KHDRBS2: variants seen among roughly 807,000 people sequenced by gnomAD.
KHDRBS2 encodes KH RNA binding domain containing, signal transduction associated 2.
Under a neutral mutation model 44.3 loss-of-function variants are expected in KHDRBS2, and 26 were observed. The ratio of observed to expected loss-of-function variants is 0.59; its 90% CI spans 0.43 to 0.81. The LOEUF (loss-of-function observed/expected upper bound fraction) is 0.81. Among genes scored for constraint, KHDRBS2 ranks in the 40% least tolerant of loss-of-function variants. The pLI, the probability that KHDRBS2 is intolerant of heterozygous loss-of-function variation, is 0.00. For missense variants in KHDRBS2, 476 were observed against 433.1 expected, an observed-to-expected ratio of 1.10 and a Z score of -0.88; for synonymous variants, 194 against 151.1, an observed-to-expected ratio of 1.28 and a Z score of -2.08.
intron 4 of KHDRBS2, among the ~76,000 whole-genome samples, chr6:61,915,631 T>G (rs1032203052): frequency 6.6e-6 from 1 of 152,060 alleles, no homozygotes; most frequent in Non-Finnish European, 1.5e-5. Context: ...CCATCTCATT[T>G]TATGCACTTC....
At chr6:62,028,109 T>C (rs1376469293) in intron 3 of KHDRBS2, among the ~76,000 whole-genome samples, 1 of 151,994 alleles carries the variant, frequency 6.6e-6, no homozygotes, top group Non-Finnish European at 1.5e-5. Flanking sequence ...GCAGTTAGTA[T>C]CAGAATTGAG....
chr6:61,690,308 A>T (rs1767255928), intron 8 of KHDRBS2, among the ~76,000 whole-genome samples: 1 of 151,982 alleles, frequency 6.6e-6, no homozygotes, highest in Non-Finnish European at 1.5e-5. Flanking sequence ...TATTCTAAAT[A>T]TAAATCTATA....
Position 61,848,572 on chromosome 6 carries a change from T to TAC in KHDRBS2, c.810+46062_810+46063insGT, listed in dbSNP as rs1181355196. ...ATATACATATATATATGTATATATA[T>TAC]ATACATATATATATATATATACTTT... On this transcript the variant is annotated intron_variant, in intron 6 of 8. Coordinates refer to ENST00000281156, the MANE Select transcript of KHDRBS2 (RefSeq NM_152688.4). Among the ~76,000 whole-genome samples the TAC allele has an allele frequency of 6.5e-4, 46 of 70,986 alleles. 4 individuals are homozygous for TAC. In the South Asian group the frequency reaches 0.014, roughly 21 times the overall value. 46.6% of individuals were successfully genotyped at this position (70,986 alleles called of 152,430 possible).
intron 6 of KHDRBS2, among the ~76,000 whole-genome samples, chr6:61,775,826 G>C (rs1781887445): frequency 6.6e-6 from 1 of 151,730 alleles, no homozygotes; most frequent in African/African-American, 2.4e-5. Context: ...ATGAGCCCGT[G>C]GTGCCAAGTC....
chr6:62,038,163 C>G (rs1316914755), intron 3 of KHDRBS2, among the ~76,000 whole-genome samples: 1 of 151,916 alleles, frequency 6.6e-6, no homozygotes, highest in Non-Finnish European at 1.5e-5. Flanking sequence ...GTGGTCCAAT[C>G]GTTGTGTTTA....
intron 4 of KHDRBS2, among the ~76,000 whole-genome samples, chr6:61,918,561 C>G (rs1252821930): frequency 6.6e-6 from 1 of 151,864 alleles, no homozygotes; most frequent in South Asian, 2.1e-4. Flanking sequence ...TGGCCATCTG[C>G]AAGCTAGGAA....
intron 2 of KHDRBS2, among the ~76,000 whole-genome samples, chr6:62,176,535 C>T (rs1424221785): frequency 3.3e-5 from 5 of 151,164 alleles, no homozygotes; most frequent in African/African-American, 9.7e-5. Context: ...ATTTTAGTTT[C>T]CTTCATTCAT....
At chr6:61,681,324 A>T (rs1766268965) in intron 8 of KHDRBS2, among the ~76,000 whole-genome samples, 1 of 151,932 alleles carries the variant, frequency 6.6e-6, no homozygotes, top group African/African-American at 2.4e-5. Context: ...ATCTTTTTAC[A>T]TAGAATTCTT....
At chr6:61,558,920 A>T in the KHDRBS2 span, among the ~76,000 whole-genome samples, 1 of 152,258 alleles carries the variant, frequency 6.6e-6, no homozygotes, top group East Asian at 1.9e-4. Context: ...TTTTGTAAAT[A>T]TCTATTAGGT....
chr6:61,731,814 T>G (rs1774503112), intron 7 of KHDRBS2, among the ~76,000 whole-genome samples: 2 of 152,130 alleles, frequency 1.3e-5, no homozygotes, highest in African/African-American at 4.8e-5. Context: ...TGATTGAATT[T>G]TCTAAAAATG....
At chr6:62,276,498 C>T (rs904505357) in intron 1 of KHDRBS2, among the ~76,000 whole-genome samples, 1 of 152,058 alleles carries the variant, frequency 6.6e-6, no homozygotes, top group Non-Finnish European at 1.5e-5. Context: ...TTTTTGGGTC[C>T]AAAGAAGTCT....
intron 1 of KHDRBS2, among the ~76,000 whole-genome samples, chr6:62,201,001 C>T (rs1367441588): frequency 6.6e-6 from 1 of 152,070 alleles, no homozygotes; most frequent in Admixed American, 6.5e-5. Flanking sequence ...AACCAAACAC[C>T]GCGTGTTCTC....
At chr6:61,845,756 A>G (rs1403196385) in intron 6 of KHDRBS2, among the ~76,000 whole-genome samples, 1 of 152,162 alleles carries the variant, frequency 6.6e-6, no homozygotes, top group Non-Finnish European at 1.5e-5. Flanking sequence ...CTCTCTATAC[A>G]CCATTCTTTC....
the KHDRBS2 span, among the ~76,000 whole-genome samples, chr6:61,632,105 T>A: frequency 1.4e-4 from 22 of 152,316 alleles, 1 homozygote; most frequent in South Asian, 4.6e-3. Flanking sequence ...TACTGTTTTT[T>A]CATCATTATG....
intron 4 of KHDRBS2, among the ~76,000 whole-genome samples, chr6:61,945,504 CT>C (rs1348521246): frequency 1.3e-5 from 2 of 151,804 alleles, no homozygotes; most frequent in Non-Finnish European, 2.9e-5. Flanking sequence ...TAAACCACAT[CT>C]GTATTTTTTA....
chr6:61,585,955 G>A, the KHDRBS2 span, among the ~76,000 whole-genome samples: 1 of 152,236 alleles, frequency 6.6e-6, no homozygotes, highest in East Asian at 1.9e-4. Context: ...GAATGAGAAA[G>A]CATGATAATC....
intron 7 of KHDRBS2, among the ~76,000 whole-genome samples, chr6:61,715,636 C>G (rs1265870650): frequency 4.6e-5 from 7 of 151,942 alleles, no homozygotes; most frequent in Non-Finnish European, 8.8e-5. Context: ...CTCCCATGCT[C>G]CCTCATGTCC....
intron 3 of KHDRBS2, among the ~76,000 whole-genome samples, chr6:61,999,581 CA>C (rs769999940): frequency 6.6e-6 from 1 of 152,066 alleles, no homozygotes; most frequent in East Asian, 1.9e-4. Flanking sequence ...TCTTAAATTT[CA>C]AAAATAGTTT....
rs184624870 is a variant in KHDRBS2, at chr6:62,126,643, C to A, written c.219+50542G>T. On this transcript the variant is annotated intron_variant, in intron 2 of 8. Coordinates refer to ENST00000281156, the MANE Select transcript of KHDRBS2 (RefSeq NM_152688.4). ...TAGGCAGCTCACCACAGACAGACTTCATTTGATTGGGGAAAAGTAAGGGAA... is the reference window on the plus strand; with the variant it reads ...TAGGCAGCTCACCACAGACAGACTTAATTTGATTGGGGAAAAGTAAGGGAA... Among the ~76,000 whole-genome samples the A allele has an allele frequency of 9.8e-5, 15 of 152,292 alleles. No individual in the cohort carries two copies. In the Middle Eastern group the frequency reaches 0.01, roughly 104 times the overall value.
Sources: gnomAD v4.1 joint callset for allele counts (sites outside exome capture counted in the v4.1 genomes callset) on GRCh38, gnomAD v4.1.1 for gene constraint, MANE v1.5 for transcripts, NCBI Gene and HGNC (gene_info 2026-07-23, HGNC 2026-07-21) for gene names.